Variants in ZFHX3 observed in about 807,000 individuals in gnomAD.
ZFHX3 encodes the protein zinc finger homeobox protein 3.
In ZFHX3, 42 loss-of-function variants were observed where a neutral mutation model predicts 279.1. That is an observed-to-expected ratio of 0.15 (90% CI 0.12 to 0.19). The LOEUF (loss-of-function observed/expected upper bound fraction) is 0.19, where lower values mean the gene tolerates loss of function less well. Ranked by LOEUF, ZFHX3 falls within the 10% of genes least tolerant of loss-of-function variation. The probability of loss-of-function intolerance (pLI) is 1.00; values close to 1 mark genes in which losing one functional copy is unlikely to be tolerated. For synonymous variants in ZFHX3, 2,293 were observed against 1,957.8 expected, an observed-to-expected ratio of 1.17 and a Z score of -4.52; for missense variants, 4,981 against 4,754.0, an observed-to-expected ratio of 1.05 and a Z score of -1.40.
intron 4 of ZFHX3, among the ~76,000 whole-genome samples, chr16:73,268,531 G>C (rs1192419460): frequency 6.6e-6 from 1 of 152,210 alleles, no homozygotes; most frequent in African/African-American, 2.4e-5. Flanking sequence ...CATCTGTTTT[G>C]TCTTGCCTCA....
At position 73,679,357 on chromosome 16, in the gene ZFHX3, G is replaced by A. The variant is rs532836217; in HGVS notation, c.-1547+823C>T. On this transcript the variant is annotated intron_variant, in intron 2 of 17. Coordinates refer to the ZFHX3 transcript ENST00000641206. ...TATGCCTTGTATATTTCAGGCCAGT[G>A]AGAAAGATGTTTTTGCTAGACAACG... 2.0e-5 allele frequency: 3 copies of A among 152,250 alleles called. No individual in the cohort carries two copies. In the East Asian group the frequency reaches 5.8e-4, roughly 29 times the overall value. 9.4% of individuals were successfully genotyped at this position (152,250 alleles called of 1,614,324 possible). A position where few individuals can be genotyped will look rare whatever the true frequency, so the allele number is the denominator to read the frequency against.
chr16:73,588,162 A>T (rs897899027), intron 2 of ZFHX3, among the ~76,000 whole-genome samples: 13 of 152,222 alleles, frequency 8.5e-5, no homozygotes, highest in African/African-American at 3.1e-4. Flanking sequence ...AAATCCATAG[A>T]TCAAAGAAAA....
chr16:73,068,828 C>T (rs1011551936), intron 8 of ZFHX3, among the ~76,000 whole-genome samples: 4 of 152,190 alleles, frequency 2.6e-5, no homozygotes, highest in African/African-American at 7.2e-5. Context: ...CACTTGCAGG[C>T]CCTAAGGTAG....
chr16:73,021,239 C>T (rs1462366787), intron 1 of ZFHX3, among the ~76,000 whole-genome samples: 1 of 152,136 alleles, frequency 6.6e-6, no homozygotes, highest in Non-Finnish European at 1.5e-5. Flanking sequence ...GGAAACGGGG[C>T]TCGAGGTTCT....
chr16:73,799,652 G>A (rs1419560640), intron 1 of ZFHX3, among the ~76,000 whole-genome samples: 1 of 152,140 alleles, frequency 6.6e-6, no homozygotes, highest in Non-Finnish European at 1.5e-5. Flanking sequence ...AAGGGATGCA[G>A]GAAAGCAACT....
chr16:72,812,562 C>G (rs1249858450), intron 5 of ZFHX3, among the ~76,000 whole-genome samples: 1 of 152,152 alleles, frequency 6.6e-6, no homozygotes, highest in Non-Finnish European at 1.5e-5. Flanking sequence ...ACATGAGTAT[C>G]AGCACACCAA....
intron 3 of ZFHX3, among the ~76,000 whole-genome samples, chr16:72,939,597 A>G (rs1406338341): frequency 6.6e-6 from 1 of 152,228 alleles, no homozygotes; most frequent in African/African-American, 2.4e-5. Flanking sequence ...CCGAAGGCCC[A>G]TAGATACAGG....
chr16:73,849,917 G>C (rs926954709), intron 1 of ZFHX3, among the ~76,000 whole-genome samples: 3 of 152,088 alleles, frequency 2.0e-5, no homozygotes, highest in Non-Finnish European at 4.4e-5. Context: ...ATTTTTAGTA[G>C]AGGCGGGGTT....
chr16:73,207,335 T>G (rs1173536753), intron 5 of ZFHX3, among the ~76,000 whole-genome samples: 3 of 152,172 alleles, frequency 2.0e-5, no homozygotes, highest in Non-Finnish European at 4.4e-5. Context: ...GTTGTTCACT[T>G]TCCTCTTAAA....
At chr16:73,751,897 T>C (rs145704675) in intron 1 of ZFHX3, among the ~76,000 whole-genome samples, 31 of 152,266 alleles carry the variant, frequency 2.0e-4, no homozygotes, top group African/African-American at 6.5e-4. Flanking sequence ...CAGGAACTTA[T>C]CTGGGGAAAG....
chr16:73,291,795 A>C (rs1191995825), intron 4 of ZFHX3, among the ~76,000 whole-genome samples: 1 of 152,190 alleles, frequency 6.6e-6, no homozygotes, highest in Non-Finnish European at 1.5e-5. Flanking sequence ...ATCATTCTAC[A>C]TGAGAGATCT....
At position 73,516,870 on chromosome 16, in the gene ZFHX3, C is replaced by T. The variant is rs558275320; in HGVS notation, c.-1546-60612G>A. Among the ~76,000 whole-genome samples, 22 of 152,284 alleles carry T rather than the reference C, an allele frequency of 1.4e-4. No homozygotes were observed. In the East Asian group the frequency reaches 3.3e-3, roughly 23 times the overall value. On this transcript the variant is annotated intron_variant, in intron 2 of 17. Transcript: ENST00000641206. ...CTGTTCTCCCCACCGTGGGGCTCAT[C>T]TTGAATACTTTTCTGTCTAGTTATA...
intron 3 of ZFHX3, among the ~76,000 whole-genome samples, chr16:73,405,591 TG>T (rs1490389544): frequency 1.5e-5 from 2 of 134,018 alleles, no homozygotes; most frequent in Admixed American, 7.7e-5. Flanking sequence ...TTTTGTTTTT[TG>T]TTTTTTTTTT....
At chr16:73,253,013 G>C (rs1237166003) in intron 5 of ZFHX3, among the ~76,000 whole-genome samples, 1 of 152,174 alleles carries the variant, frequency 6.6e-6, no homozygotes, top group Non-Finnish European at 1.5e-5. Flanking sequence ...AGCTGTCTTT[G>C]CACCTTTGGA....
At chr16:72,824,734 C>G (rs1245125843) in intron 5 of ZFHX3, among the ~76,000 whole-genome samples, 1 of 152,188 alleles carries the variant, frequency 6.6e-6, no homozygotes, top group African/African-American at 2.4e-5. Flanking sequence ...GATAAAGCAT[C>G]ACATTAATTG....
chr16:73,668,032 A>G (rs1481754487), intron 2 of ZFHX3, among the ~76,000 whole-genome samples: 2 of 152,338 alleles, frequency 1.3e-5, no homozygotes, highest in East Asian at 3.9e-4. Flanking sequence ...TATAACACAT[A>G]TTAACATATT....
intron 2 of ZFHX3, among the ~76,000 whole-genome samples, chr16:73,647,087 A>C (rs1283838146): frequency 6.8e-6 from 1 of 146,384 alleles, no homozygotes; most frequent in Non-Finnish European, 1.5e-5. Context: ...ATCTCGGCGC[A>C]CTGCACGGTC....
chr16:73,084,712 G>C (rs930830464), intron 8 of ZFHX3, among the ~76,000 whole-genome samples: 1 of 151,718 alleles, frequency 6.6e-6, no homozygotes, highest in Non-Finnish European at 1.5e-5. Context: ...AGTAGAGATG[G>C]GGTTTCACCG....
intron 8 of ZFHX3, among the ~76,000 whole-genome samples, chr16:73,069,202 G>A (rs1965793414): frequency 6.6e-6 from 1 of 152,224 alleles, no homozygotes. Flanking sequence ...ATAACTCTGG[G>A]CTGGGAGTCT....
Sources: allele counts gnomAD v4.1 joint callset (sites outside exome capture counted in the v4.1 genomes callset), GRCh38; gene constraint gnomAD v4.1.1; transcripts MANE v1.5; gene names NCBI Gene and HGNC (gene_info 2026-07-23, HGNC 2026-07-21).